RANBP10: variants seen among roughly 807,000 people sequenced by gnomAD.
The protein encoded by RANBP10 is RAN binding protein 10, also known as ran-binding protein 10.
In RANBP10, 24 loss-of-function variants were observed where a neutral mutation model predicts 72.8. That is an observed-to-expected ratio of 0.33 (90% CI 0.24 to 0.46). The LOEUF (loss-of-function observed/expected upper bound fraction) is 0.46, where lower values mean the gene tolerates loss of function less well. Among genes scored for constraint, RANBP10 ranks in the 20% least tolerant of loss-of-function variants. The probability of loss-of-function intolerance (pLI) is 1.00; values close to 1 mark genes in which losing one functional copy is unlikely to be tolerated. For synonymous variants in RANBP10, 310 were observed against 322.3 expected (o/e 0.96, Z 0.41); for missense variants, 679 against 817.5 (o/e 0.83, Z 2.07).
At chr16:67,758,154 G>A (rs2054325772) in intron 3 of RANBP10, among the ~76,000 whole-genome samples, 1 of 152,224 alleles carries the variant, frequency 6.6e-6, no homozygotes, top group African/African-American at 2.4e-5. Flanking sequence ...ACGGCCCAGG[G>A]GGGCCAGGCT....
At chr16:67,745,003 T>C (rs1229046921) in intron 3 of RANBP10, among the ~76,000 whole-genome samples, 1 of 151,934 alleles carries the variant, frequency 6.6e-6, no homozygotes, top group Non-Finnish European at 1.5e-5. Context: ...TTTTTTTTTT[T>C]GTATTTTTAG....
chr16:67,771,496 C>T (rs1035203968), intron 3 of RANBP10, among the ~76,000 whole-genome samples: 1 of 152,060 alleles, frequency 6.6e-6, no homozygotes, highest in African/African-American at 2.4e-5. Context: ...CAGGTGTGTG[C>T]CACCACACCC....
In RANBP10 at chr16:67,798,543, A is replaced by G. The variant is rs187636787; in HGVS notation, c.347+6885T>C. Among the ~76,000 whole-genome samples the G allele has an allele frequency of 1.5e-4, 23 of 152,294 alleles. No homozygotes were observed. The East Asian group carries it at 4.4e-3, about 29-fold the overall frequency. On this transcript the variant is annotated intron_variant, in intron 2 of 13. Transcript: ENST00000317506. ...GGCTCACCAGAGGAGATGCTTGGGTATAAAACATGGGGCATTACTGTCTTT... is the reference window on the plus strand; with the variant it reads ...GGCTCACCAGAGGAGATGCTTGGGTGTAAAACATGGGGCATTACTGTCTTT...
At position 67,772,103 on chromosome 16, in the gene RANBP10, A is replaced by C. The variant is rs2054617974; in HGVS notation, c.348-17T>G. ...CCCATGTAACTTCAAAAAAAAAAAA[A>C]AAAAAAACACAAAATTTTTGGTTAG... On this transcript the variant is annotated splice_polypyrimidine_tract_variant and intron_variant, in intron 2 of 13. Transcript: ENST00000317506. 5.0e-6 allele frequency: 8 copies of C among 1,593,654 alleles called. No individual in the cohort carries two copies. Among genetic ancestry groups the C allele is most frequent in the East Asian group, 2.2e-5 (1 of 44,830 alleles).
chr16:67,728,680 T>C (rs1263808342), intron 10 of RANBP10, 169 bp from the exon 11 acceptor site: 1 of 1,244,374 alleles, frequency 8.0e-7, no homozygotes, highest in East Asian at 2.5e-5. Context: ...GCCCCTACTG[T>C]GACACCAGCT....
In RANBP10 at chr16:67,734,983, A is replaced by G; in HGVS notation, c.651T>C (p.Phe217=). The G allele has an allele frequency of 1.9e-6, 3 of 1,614,044 alleles. No homozygotes were observed. The highest frequency in any genetic ancestry group is 2.5e-6 in the Non-Finnish European group (3 of 1,179,920). ...QTPGEIVDAN[F]GQQPFLFDIE... is the part of the protein sequence containing the mutation. ...TGTCAAACAGGAAGGGCTGCTGCCCAAAGTTGGCGTCCACAATCTCCCCAG... is the reference window on the plus strand; with the variant it reads ...TGTCAAACAGGAAGGGCTGCTGCCCGAAGTTGGCGTCCACAATCTCCCCAG... Residue 217 remains phenylalanine, a synonymous_variant, in exon 6 of 14, where the codon TTT becomes TTC. Coordinates refer to ENST00000317506, the MANE Select transcript of RANBP10 (RefSeq NM_020850.3).
chr16:67,772,981 G>A (rs1008657660), intron 2 of RANBP10, among the ~76,000 whole-genome samples: 1 of 152,188 alleles, frequency 6.6e-6, no homozygotes, highest in Non-Finnish European at 1.5e-5. Flanking sequence ...GACTCTGGGG[G>A]ACTAGTGGGA....
chr16:67,804,879 T>A (rs2055316256), intron 2 of RANBP10, among the ~76,000 whole-genome samples: 1 of 152,140 alleles, frequency 6.6e-6, no homozygotes, highest in Non-Finnish European at 1.5e-5. Context: ...CAACTAGTAG[T>A]GTTCAAGTCC....
intron 2 of RANBP10, among the ~76,000 whole-genome samples, chr16:67,794,119 G>A (rs888681148): frequency 6.6e-6 from 1 of 152,148 alleles, no homozygotes; most frequent in Admixed American, 6.6e-5. Flanking sequence ...CTAGGCTCAA[G>A]CAATCCTTCC....
At chr16:67,774,622 C>T (rs1458723267) in intron 2 of RANBP10, among the ~76,000 whole-genome samples, 2 of 152,172 alleles carry the variant, frequency 1.3e-5, no homozygotes, top group Non-Finnish European at 2.9e-5. Context: ...AGCTGACACC[C>T]ACATTTGGGC....
intron 2 of RANBP10, among the ~76,000 whole-genome samples, chr16:67,793,596 G>A (rs1244195306): frequency 6.6e-6 from 1 of 151,928 alleles, no homozygotes; most frequent in African/African-American, 2.4e-5. Flanking sequence ...ACAGGCGTGA[G>A]CCACCGTGCC....
rs2053583699 is a variant in RANBP10, at chr16:67,725,610, C to G, written c.*818G>C. The G allele has an allele frequency of 6.6e-6, 1 of 152,414 alleles. No individual in the cohort carries two copies. The highest frequency in any genetic ancestry group is 6.5e-5 in the Admixed American group (1 of 15,278). 9.4% of individuals were successfully genotyped at this position (152,414 alleles called of 1,614,324 possible). ...AGATAGTGTGCTGGCCAAGGACCCT[C>G]TACCTCTGCTGTGTGGCCCTGGGCC... On this transcript the variant is annotated 3_prime_UTR_variant, in exon 14 of 14. Coordinates refer to ENST00000317506, the MANE Select transcript of RANBP10 (RefSeq NM_020850.3).
chr16:67,768,626 G>A (rs2054547988), intron 3 of RANBP10, among the ~76,000 whole-genome samples: 1 of 152,128 alleles, frequency 6.6e-6, no homozygotes, highest in Non-Finnish European at 1.5e-5. Flanking sequence ...TGAGGCAGGA[G>A]AATCGCTTCA....
In RANBP10 at chr16:67,735,061, T is replaced by C. The variant is rs2053815632; in HGVS notation, c.592-19A>G. The C allele has an allele frequency of 1.3e-6, 2 of 1,571,122 alleles. No homozygotes were observed. The highest frequency in any genetic ancestry group is 1.3e-5 in the African/African-American group (1 of 74,142). Reference sequence around the variant, plus strand: ...GGTTGGCCTGAGGAGGAGAATGAAATGTCAGTCAGGCCCTGAGGGCAGTGG... The same window carrying C: ...GGTTGGCCTGAGGAGGAGAATGAAACGTCAGTCAGGCCCTGAGGGCAGTGG... On this transcript the variant is annotated intron_variant, in intron 5 of 13. Transcript: ENST00000317506.
intron 2 of RANBP10, among the ~76,000 whole-genome samples, chr16:67,783,461 G>A (rs2054850496): frequency 6.6e-6 from 1 of 152,102 alleles, no homozygotes; most frequent in Non-Finnish European, 1.5e-5. Flanking sequence ...GAGTTCTGAG[G>A]TGACAAGAAC....
At chr16:67,746,359 T>C (rs987574846) in intron 3 of RANBP10, among the ~76,000 whole-genome samples, 6 of 151,148 alleles carry the variant, frequency 4.0e-5, no homozygotes, top group Non-Finnish European at 5.9e-5. Context: ...TGGATGCCTG[T>C]AGTCCCAGCT....
Position 67,734,880 on chromosome 16 carries a change from C to A in RANBP10, c.754G>T (p.Glu252Ter). ...CACTTCTGCAGCACTGCCTGCCACT[C>A]GCCAAGCCGGGCACTGATGGGGAAG... Reference protein sequence around the residue: ...HCFPISARLGEWQAVLQNMVS... With the variant: ...HCFPISARLG The change falls in exon 6 of 14, where the codon GAG becomes TAG. Residue 252 changes from glutamate to a stop codon, truncating the protein, a stop_gained. Coordinates refer to ENST00000317506, the MANE Select transcript of RANBP10 (RefSeq NM_020850.3). LOFTEE classifies it high-confidence loss of function. The A allele has an allele frequency of 6.2e-7, 1 of 1,604,808 alleles. No homozygotes were observed. Among genetic ancestry groups the A allele is most frequent in the Non-Finnish European group, 8.5e-7 (1 of 1,174,404 alleles).
intron 2 of RANBP10, among the ~76,000 whole-genome samples, chr16:67,782,617 T>TA (rs1160338270): frequency 6.6e-6 from 1 of 151,860 alleles, no homozygotes; most frequent in Admixed American, 6.6e-5. Flanking sequence ...CACACCCAGC[T>TA]AATTTTTGTA....
At chr16:67,745,007 T>C (rs1030570776) in intron 3 of RANBP10, among the ~76,000 whole-genome samples, 1 of 151,968 alleles carries the variant, frequency 6.6e-6, no homozygotes, top group Admixed American at 6.6e-5. Context: ...TTTTTTTGTA[T>C]TTTTAGTAGA....
Sources: gnomAD v4.1 joint callset for allele counts (sites outside exome capture counted in the v4.1 genomes callset) on GRCh38, gnomAD v4.1.1 for gene constraint, MANE v1.5 for transcripts, NCBI Gene and HGNC (gene_info 2026-07-23, HGNC 2026-07-21) for gene names.